The following KCNG2 variants were observed in gnomAD, a reference collection of about 807,000 sequenced individuals.
KCNG2 encodes the protein potassium voltage-gated channel modifier subfamily G member 2, also known as voltage-gated potassium channel regulatory subunit KCNG2.
A neutral mutation model predicts 12.3 loss-of-function variants in KCNG2; 7 were observed. That is an observed-to-expected ratio of 0.57 (90% CI 0.32 to 1.07). The LOEUF is 1.07. Ranked by LOEUF, KCNG2 falls within the 50% of genes least tolerant of loss-of-function variation. KCNG2 has a pLI of 0.04. For missense variants in KCNG2, 703 were observed against 726.0 expected, an observed-to-expected ratio of 0.97 and a Z score of 0.36; for synonymous variants, 414 against 351.4, an observed-to-expected ratio of 1.18 and a Z score of -1.99.
chr18:79,855,281 T>C (rs1978970491), intron 1 of KCNG2, among the ~76,000 whole-genome samples: 1 of 152,178 alleles, frequency 6.6e-6, no homozygotes, highest in Admixed American at 6.5e-5. Context: ...AGTGCCCTGC[T>C]GACATTGGGC....
At chr18:79,880,262 A>C (rs1338700067) in intron 3 of KCNG2, among the ~76,000 whole-genome samples, 2 of 146,948 alleles carry the variant, frequency 1.4e-5, no homozygotes, top group African/African-American at 5.0e-5. Flanking sequence ...ATATCACATG[A>C]GCCAAGATCG....
chr18:79,815,844 G>A (rs1207697615), intron 1 of KCNG2, among the ~76,000 whole-genome samples: 2 of 152,236 alleles, frequency 1.3e-5, no homozygotes, highest in African/African-American at 2.4e-5. Flanking sequence ...TGCCCCGATG[G>A]CACCCACCGC....
chr18:79,826,080 C>T (rs1194071182), intron 1 of KCNG2, among the ~76,000 whole-genome samples: 1 of 152,268 alleles, frequency 6.6e-6, no homozygotes, highest in Admixed American at 6.5e-5. Flanking sequence ...CTGCCGGCCG[C>T]CCTGACCTTG....
At chr18:79,838,334 CTG>C (rs1243763673) in intron 1 of KCNG2, among the ~76,000 whole-genome samples, 1 of 152,032 alleles carries the variant, frequency 6.6e-6, no homozygotes, top group South Asian at 2.1e-4. Context: ...TGGAATAAAA[CTG>C]GAAATCAATA....
intron 3 of KCNG2, among the ~76,000 whole-genome samples, chr18:79,895,792 C>T (rs936996221): frequency 1.4e-4 from 21 of 152,294 alleles, no homozygotes; most frequent in East Asian, 3.9e-4. Flanking sequence ...GGGTTGTTCA[C>T]TCCATTCACA....
chr18:79,834,178 G>C (rs534156731), intron 1 of KCNG2, among the ~76,000 whole-genome samples: 2 of 152,360 alleles, frequency 1.3e-5, no homozygotes, highest in East Asian at 3.9e-4. Context: ...CGTCAGAGCG[G>C]CTTGGACCAA....
chr18:79,823,124 T>C (rs1198286000), intron 1 of KCNG2, among the ~76,000 whole-genome samples: 1 of 152,136 alleles, frequency 6.6e-6, no homozygotes, highest in Non-Finnish European at 1.5e-5. Context: ...GGGTGGCAAA[T>C]CTCTGCCTTT....
intron 3 of KCNG2, among the ~76,000 whole-genome samples, chr18:79,897,009 T>C (rs1339107227): frequency 6.6e-6 from 1 of 152,244 alleles, no homozygotes; most frequent in Non-Finnish European, 1.5e-5. Context: ...TTCAATACTT[T>C]TTCCTTGTCT....
chr18:79,888,406 GGC>G (rs777297310), intron 3 of KCNG2, among the ~76,000 whole-genome samples: 2,778 of 149,880 alleles, frequency 0.019, 48 homozygotes, highest in Middle Eastern at 0.037. Context: ...CCGGGACGGC[GGC>G]GTCCTCCTCA....
intron 3 of KCNG2, among the ~76,000 whole-genome samples, chr18:79,872,229 C>CAAAAAAAA: frequency 1.2e-5 from 1 of 81,600 alleles, no homozygotes; most frequent in South Asian, 3.8e-4. Flanking sequence ...TTTAGTCTGG[C>CAAAAAAAA]AAAAAAAAAA....
At chr18:79,890,634 A>G (rs932393129) in intron 3 of KCNG2, among the ~76,000 whole-genome samples, 3 of 152,218 alleles carry the variant, frequency 2.0e-5, no homozygotes, top group Admixed American at 6.5e-5. Context: ...AGGACAAGAC[A>G]TCGTTCTTTC....
At chr18:79,801,653 G>C (rs1338059348) in intron 1 of KCNG2, among the ~76,000 whole-genome samples, 1 of 152,270 alleles carries the variant, frequency 6.6e-6, no homozygotes, top group Non-Finnish European at 1.5e-5. Context: ...GAATTATGGG[G>C]CCCAGTGTAG....
intron 1 of KCNG2, among the ~76,000 whole-genome samples, chr18:79,854,831 G>A (rs939176703): frequency 6.6e-6 from 1 of 152,134 alleles, no homozygotes; most frequent in Admixed American, 6.5e-5. Context: ...TTATTCTTCT[G>A]AGCTTCCTGG....
chr18:79,896,539 T>C (rs939959597), intron 3 of KCNG2, among the ~76,000 whole-genome samples: 19 of 152,240 alleles, frequency 1.2e-4, no homozygotes, highest in African/African-American at 4.6e-4. Context: ...TATTGGCAAA[T>C]ACATTGCACA....
At chr18:79,854,135 C>T (rs999624410) in intron 1 of KCNG2, among the ~76,000 whole-genome samples, 5 of 152,218 alleles carry the variant, frequency 3.3e-5, no homozygotes, top group African/African-American at 4.8e-5. Context: ...CAGGACTGGC[C>T]GCGGAGGGAA....
intron 3 of KCNG2, among the ~76,000 whole-genome samples, chr18:79,883,978 G>A (rs2123114332): frequency 6.6e-6 from 1 of 152,180 alleles, no homozygotes; most frequent in African/African-American, 2.4e-5. Context: ...GGGTGTGCCT[G>A]GGTGGGGACC....
At chr18:79,806,030 G>A (rs1408849072) in intron 1 of KCNG2, among the ~76,000 whole-genome samples, 1 of 152,096 alleles carries the variant, frequency 6.6e-6, no homozygotes, top group African/African-American at 2.4e-5. Flanking sequence ...GGGACGTTAG[G>A]GTGACAGAGG....
intron 3 of KCNG2, among the ~76,000 whole-genome samples, chr18:79,875,332 G>A (rs1331235231): frequency 6.6e-6 from 1 of 152,102 alleles, no homozygotes; most frequent in Non-Finnish European, 1.5e-5. Flanking sequence ...CAACACCACG[G>A]AGCACAGGCG....
chr18:79,888,840 A>G (rs114681237), intron 3 of KCNG2, among the ~76,000 whole-genome samples: 1,674 of 148,190 alleles, frequency 0.011, 27 homozygotes, highest in African/African-American at 0.036. Flanking sequence ...ACGCCCAGCT[A>G]TTTTTTTTTT....
Sources: gnomAD v4.1 joint callset for allele counts (sites outside exome capture counted in the v4.1 genomes callset) on GRCh38, gnomAD v4.1.1 for gene constraint, MANE v1.5 for transcripts, NCBI Gene and HGNC (gene_info 2026-07-23, HGNC 2026-07-21) for gene names.